Variants in AGPS observed in about 807,000 individuals in gnomAD.
AGPS encodes alkylglycerone phosphate synthase, also known as alkyldihydroxyacetonephosphate synthase, peroxisomal.
AGPS carries 26 observed loss-of-function variants against 90.7 expected under a neutral mutation model. The ratio of observed to expected loss-of-function variants is 0.29; its 90% confidence interval spans 0.21 to 0.40. The LOEUF (loss-of-function observed/expected upper bound fraction) is 0.40. AGPS is among the 10% of genes least tolerant of loss of function. AGPS has a pLI of 1.00. For synonymous variants in AGPS, 294 were observed against 285.3 expected (o/e 1.03, Z -0.31); for missense variants, 540 against 816.1 (o/e 0.66, Z 4.12).
intron 17 of AGPS, among the ~76,000 whole-genome samples, chr2:177,514,351 A>G (rs764531366): frequency 2.0e-5 from 3 of 152,180 alleles, no homozygotes; most frequent in Non-Finnish European, 4.4e-5. Context: ...TGGTAATGCC[A>G]TTTCTTCATG....
intron 2 of AGPS, among the ~76,000 whole-genome samples, chr2:177,426,225 T>A (rs1686075501): frequency 1.3e-5 from 2 of 152,194 alleles, no homozygotes; most frequent in Admixed American, 1.3e-4. Context: ...ATACTAGTGA[T>A]TTTTGCACAT....
At chr2:177,413,161 A>G (rs1011724377) in intron 1 of AGPS, among the ~76,000 whole-genome samples, 1 of 152,236 alleles carries the variant, frequency 6.6e-6, no homozygotes, top group Non-Finnish European at 1.5e-5. Flanking sequence ...GGGTTGCCCA[A>G]CAATTACGGT....
intron 14 of AGPS, among the ~76,000 whole-genome samples, chr2:177,502,917 AAAAG>A (rs1181316635): frequency 2.0e-5 from 3 of 152,158 alleles, no homozygotes; most frequent in Non-Finnish European, 4.4e-5. Context: ...ATAACAAGAC[AAAAG>A]AAAGCACCAC....
rs1687185247 is a variant in AGPS at position 177,458,422 on chromosome 2, A to G, written c.871-3471A>G. ...ATTGTCTCTGTTTGCAGATGACATG[A>G]TTGTATATTTAGAAAACCCCATCGT... On this transcript the variant is annotated intron_variant, in intron 8 of 19. Transcript: ENST00000264167. Among the ~76,000 whole-genome samples the G allele has an allele frequency of 4.6e-5, 7 of 152,322 alleles. No individual in the cohort carries two copies. In the South Asian group the frequency reaches 1.4e-3, roughly 32 times the overall value.
intron 8 of AGPS, among the ~76,000 whole-genome samples, chr2:177,459,857 C>T (rs956030551): frequency 6.6e-6 from 1 of 152,212 alleles, no homozygotes; most frequent in Non-Finnish European, 1.5e-5. Context: ...GATAAAGACA[C>T]ATGCACATGT....
intron 11 of AGPS, among the ~76,000 whole-genome samples, chr2:177,489,364 G>A (rs1411286312): frequency 3.9e-5 from 6 of 151,966 alleles, no homozygotes; most frequent in South Asian, 2.1e-4. Context: ...GATTACAGGC[G>A]TGAGCCACCG....
intron 1 of AGPS, among the ~76,000 whole-genome samples, chr2:177,416,342 A>G (rs1476890237): frequency 6.6e-6 from 1 of 152,230 alleles, no homozygotes; most frequent in Non-Finnish European, 1.5e-5. Context: ...ATATCATGGG[A>G]GAATACTGCC....
At chr2:177,419,880 T>G (rs1685896966) in intron 1 of AGPS, among the ~76,000 whole-genome samples, 1 of 151,846 alleles carries the variant, frequency 6.6e-6, no homozygotes, top group African/African-American at 2.4e-5. Flanking sequence ...TTATGATTTT[T>G]TTCTCATGTG....
intron 9 of AGPS, among the ~76,000 whole-genome samples, chr2:177,462,395 AAAAAAAAAAAG>A (rs1226776721): frequency 1.3e-5 from 2 of 149,772 alleles, no homozygotes; most frequent in Non-Finnish European, 3.0e-5. Context: ...TCTGTCTCAA[AAAAAAAAAAAG>A]AAAAAAGAAA....
At chr2:177,495,497 A>G (rs1358961386) in intron 12 of AGPS, among the ~76,000 whole-genome samples, 1 of 152,226 alleles carries the variant, frequency 6.6e-6, no homozygotes, top group Non-Finnish European at 1.5e-5. Flanking sequence ...CCACTGCTTT[A>G]AAATATAGAT....
chr2:177,397,263 A>G (rs540109365), intron 1 of AGPS, among the ~76,000 whole-genome samples: 1 of 152,034 alleles, frequency 6.6e-6, no homozygotes, highest in Non-Finnish European at 1.5e-5. Flanking sequence ...ATCCCGGAAC[A>G]TATGTTCTCA....
At chr2:177,417,172 A>G (rs1685810759) in intron 1 of AGPS, among the ~76,000 whole-genome samples, 2 of 152,206 alleles carry the variant, frequency 1.3e-5, no homozygotes, top group Non-Finnish European at 2.9e-5. Flanking sequence ...TCTAAAATCC[A>G]CAATGTTCCA....
At chr2:177,484,932 T>C (rs1688051882) in intron 11 of AGPS, among the ~76,000 whole-genome samples, 1 of 149,490 alleles carries the variant, frequency 6.7e-6, no homozygotes, top group Admixed American at 6.6e-5. Context: ...ACCTGGCTAA[T>C]TTTTTTTTAA....
Position 177,477,981 on chromosome 2 carries a change from A to G in AGPS, c.1106-4078A>G, listed in dbSNP as rs147056513. Among the ~76,000 whole-genome samples the G allele has an allele frequency of 4.0e-3, 611 of 152,282 alleles. 5 individuals carry two copies. The highest frequency in any genetic ancestry group is 0.032 in the East Asian group (167 of 5,182). ...GACTCAAAAGTGCTCTTTTTTGTAT[A>G]TATTAATTTGAATTACTGTTTGGGG... On this transcript the variant is annotated intron_variant, in intron 10 of 19. Coordinates refer to ENST00000264167, the MANE Select transcript of AGPS (RefSeq NM_003659.4).
intron 16 of AGPS, among the ~76,000 whole-genome samples, chr2:177,508,879 G>A (rs1215089118): frequency 6.6e-6 from 1 of 152,120 alleles, no homozygotes; most frequent in East Asian, 1.9e-4. Context: ...TGATCATCAT[G>A]TTGGTACTCA....
At chr2:177,417,061 G>A (rs1381687258) in intron 1 of AGPS, among the ~76,000 whole-genome samples, 1 of 152,154 alleles carries the variant, frequency 6.6e-6, no homozygotes, top group African/African-American at 2.4e-5. Context: ...TAGGGAATTT[G>A]GCTTCTGACA....
Position 177,540,399 on chromosome 2 carries a change from A to G in AGPS, c.*2204A>G, listed in dbSNP as rs2079224019. ...TGTAGGTGGAATCATTTCTACCGAA[A>G]TCATTTTGAAACACAAGAATATTGA... On this transcript the variant is annotated 3_prime_UTR_variant, in exon 20 of 20. Transcript: ENST00000264167. 1 of 151,976 alleles carries G rather than the reference A, an allele frequency of 6.6e-6. No homozygotes were observed. The highest frequency in any genetic ancestry group is 1.9e-4 in the East Asian group (1 of 5,180). The allele number at this position is 151,976 out of a possible 1,614,324, so 9.4% of individuals were successfully genotyped here.
rs577913100 is a variant in AGPS, at chr2:177,429,679, T to C, written c.351-4648T>C. On this transcript the variant is annotated intron_variant, in intron 2 of 19. Coordinates refer to ENST00000264167, the MANE Select transcript of AGPS (RefSeq NM_003659.4). ...CTGTGAAACAGCAAAGATGGCAGCC[T>C]GCTTTTTCCTCTGGGAGCTCCGTCC... Among the ~76,000 whole-genome samples the C allele has an allele frequency of 3.3e-4, 50 of 152,324 alleles. 2 individuals are homozygous for C. The South Asian group carries it at 9.7e-3, about 30-fold the overall frequency.
intron 1 of AGPS, among the ~76,000 whole-genome samples, chr2:177,394,271 G>A (rs751097928): frequency 6.6e-6 from 1 of 152,176 alleles, no homozygotes; most frequent in Non-Finnish European, 1.5e-5. Flanking sequence ...AACTTAACTG[G>A]GAACTATACC....
Sources: allele counts gnomAD v4.1 joint callset (sites outside exome capture counted in the v4.1 genomes callset), GRCh38; gene constraint gnomAD v4.1.1; transcripts MANE v1.5; gene names NCBI Gene and HGNC (gene_info 2026-07-23, HGNC 2026-07-21).